IGF1R: variants seen among roughly 807,000 people sequenced by gnomAD.
IGF1R encodes insulin-like growth factor 1 receptor.
In IGF1R, 44 loss-of-function variants were observed where a neutral mutation model predicts 144.6. That is an observed-to-expected ratio of 0.30 (90% CI 0.24 to 0.39). The LOEUF (loss-of-function observed/expected upper bound fraction) is 0.39. IGF1R is among the 10% of genes least tolerant of loss of function. The probability of loss-of-function intolerance (pLI) is 1.00; values close to 1 mark genes in which losing one functional copy is unlikely to be tolerated. For synonymous variants in IGF1R, 795 were observed against 722.8 expected, an observed-to-expected ratio of 1.10 and a Z score of -1.60; for missense variants, 1,355 against 1,833.7, an observed-to-expected ratio of 0.74 and a Z score of 4.77.
intron 1 of IGF1R, among the ~76,000 whole-genome samples, chr15:98,686,070 G>C (rs941528279): frequency 3.9e-5 from 6 of 152,036 alleles, no homozygotes; most frequent in Non-Finnish European, 7.4e-5. Context: ...TTTGGCAACC[G>C]CCATTCCACT....
At chr15:98,663,030 G>A (rs557960665) in intron 1 of IGF1R, among the ~76,000 whole-genome samples, 10 of 152,268 alleles carry the variant, frequency 6.6e-5, no homozygotes, top group East Asian at 1.9e-4. Flanking sequence ...TAGACACCCC[G>A]GTGTGAGCCA....
At chr15:98,699,778 G>A (rs1160771574) in intron 1 of IGF1R, among the ~76,000 whole-genome samples, 1 of 152,200 alleles carries the variant, frequency 6.6e-6, no homozygotes, top group Non-Finnish European at 1.5e-5. Flanking sequence ...CTTGATGTGT[G>A]CATTTATTTT....
intron 1 of IGF1R, among the ~76,000 whole-genome samples, chr15:98,673,262 A>G (rs1362492529): frequency 6.6e-6 from 1 of 152,206 alleles, no homozygotes; most frequent in Non-Finnish European, 1.5e-5. Context: ...GTGTATCATT[A>G]CACTATTTGG....
chr15:98,767,678 T>C (rs543018163), intron 2 of IGF1R, among the ~76,000 whole-genome samples: 4 of 152,330 alleles, frequency 2.6e-5, no homozygotes, highest in Admixed American at 6.5e-5. Flanking sequence ...TTAAAACATA[T>C]GGTTTTTAGT....
chr15:98,770,390 G>T (rs1422977651), intron 2 of IGF1R, among the ~76,000 whole-genome samples: 1 of 152,192 alleles, frequency 6.6e-6, no homozygotes, highest in African/African-American at 2.4e-5. Flanking sequence ...CAGTTAGATA[G>T]AGGGAATACA....
rs749799999 is a variant in IGF1R, at chr15:98,964,073, G to C, written c.*6631G>C. 2.2e-4 allele frequency: 51 copies of C among 233,202 alleles called. No homozygotes were observed. Among genetic ancestry groups the C allele is most frequent in the Non-Finnish European group, 6.8e-5 (8 of 117,850 alleles). 14.4% of individuals were successfully genotyped at this position (233,202 alleles called of 1,614,324 possible). On this transcript the variant is annotated 3_prime_UTR_variant, in exon 21 of 21. Coordinates refer to ENST00000650285, the MANE Select transcript of IGF1R (RefSeq NM_000875.5). ...ACCTGTCTGCTTTCTAAGCCAGTGA[G>C]GTTGAGGTGAGAGGTTTGCCAGAGT...
At chr15:98,854,723 T>G (rs912813856) in intron 2 of IGF1R, among the ~76,000 whole-genome samples, 1 of 152,138 alleles carries the variant, frequency 6.6e-6, no homozygotes, top group African/African-American at 2.4e-5. Context: ...ATTTCTCCTG[T>G]TCAGATAAGT....
chr15:98,850,995 T>C (rs1012985350), intron 2 of IGF1R, among the ~76,000 whole-genome samples: 2 of 152,138 alleles, frequency 1.3e-5, no homozygotes, highest in African/African-American at 4.8e-5. Flanking sequence ...CGGAGTACAG[T>C]GTTGAAAACA....
chr15:98,719,019 G>A (rs1169774461), intron 2 of IGF1R, among the ~76,000 whole-genome samples: 2 of 152,194 alleles, frequency 1.3e-5, no homozygotes, highest in African/African-American at 4.8e-5. Flanking sequence ...TTGCTAAGTA[G>A]ATGATATTAT....
rs191155152 is a variant in IGF1R, at chr15:98,716,175, C to G, written c.640+8068C>G. ...TGTACTTCCATTTCCTTTCTTTGAACTCGGGGGGCTTGCATCGGACTACCT... is the reference window on the plus strand; with the variant it reads ...TGTACTTCCATTTCCTTTCTTTGAAGTCGGGGGGCTTGCATCGGACTACCT... On this transcript the variant is annotated intron_variant, in intron 2 of 20. Coordinates refer to ENST00000650285, the MANE Select transcript of IGF1R (RefSeq NM_000875.5). 1.2e-4 allele frequency among the ~76,000 whole-genome samples: 18 copies of G among 152,240 alleles called. No homozygotes were observed. In the East Asian group the frequency reaches 3.5e-3, roughly 29 times the overall value.
intron 13 of IGF1R, among the ~76,000 whole-genome samples, chr15:98,926,082 A>G (rs2015706548): frequency 6.6e-6 from 1 of 152,234 alleles, no homozygotes; most frequent in Non-Finnish European, 1.5e-5. Flanking sequence ...ATCACTATGT[A>G]TATGAATGGA....
chr15:98,653,615 A>G (rs2052420318), intron 1 of IGF1R, among the ~76,000 whole-genome samples: 1 of 152,358 alleles, frequency 6.6e-6, no homozygotes, highest in Admixed American at 6.5e-5. Flanking sequence ...TACAGAACGA[A>G]AGGTTTTAAA....
chr15:98,831,321 A>G (rs2056997851), intron 2 of IGF1R, among the ~76,000 whole-genome samples: 1 of 152,204 alleles, frequency 6.6e-6, no homozygotes, highest in Non-Finnish European at 1.5e-5. Context: ...ACCAGAATCC[A>G]TCTCACCACC....
chr15:98,743,891 G>C (rs1358894277), intron 2 of IGF1R, among the ~76,000 whole-genome samples: 1 of 152,156 alleles, frequency 6.6e-6, no homozygotes, highest in Non-Finnish European at 1.5e-5. Context: ...TGTGTTGGGG[G>C]TGGGCTTGTG....
chr15:98,923,653 G>A (rs1006126982), intron 11 of IGF1R: 1 of 556,682 alleles, frequency 1.8e-6, no homozygotes, highest in Non-Finnish European at 3.2e-6. Flanking sequence ...TGTGGTTGGT[G>A]TATTCTGAAC....
chr15:98,846,930 G>A (rs2011350210), intron 2 of IGF1R, among the ~76,000 whole-genome samples: 1 of 152,172 alleles, frequency 6.6e-6, no homozygotes, highest in Admixed American at 6.5e-5. Context: ...ATAGTGTATG[G>A]CTGCCAATTA....
At chr15:98,828,715 G>A (rs1042970800) in intron 2 of IGF1R, among the ~76,000 whole-genome samples, 1 of 151,070 alleles carries the variant, frequency 6.6e-6, no homozygotes, top group Non-Finnish European at 1.5e-5. Flanking sequence ...CTATTTAAAG[G>A]AATCCTGAAA....
chr15:98,893,119 A>C (rs1359742484), intron 3 of IGF1R, among the ~76,000 whole-genome samples: 4 of 152,224 alleles, frequency 2.6e-5, no homozygotes, highest in Non-Finnish European at 5.9e-5. Context: ...CTATTCTACA[A>C]ATATAAAAAT....
At chr15:98,771,972 C>T (rs2055597336) in intron 2 of IGF1R, among the ~76,000 whole-genome samples, 2 of 152,072 alleles carry the variant, frequency 1.3e-5, no homozygotes, top group African/African-American at 2.4e-5. Flanking sequence ...GCTTAAATGT[C>T]CCTCCTCTAG....
Sources: allele counts gnomAD v4.1 joint callset (sites outside exome capture counted in the v4.1 genomes callset), GRCh38; gene constraint gnomAD v4.1.1; transcripts MANE v1.5; gene names NCBI Gene and HGNC (gene_info 2026-07-23, HGNC 2026-07-21).